MAP1B: variants seen among roughly 807,000 people sequenced by gnomAD.
The protein encoded by MAP1B is microtubule associated protein 1B, also known as microtubule-associated protein 1B.
In MAP1B, 12 loss-of-function variants were observed where a neutral mutation model predicts 176.1. The observed-to-expected ratio is 0.07, with a 90% confidence interval of 0.04 to 0.11. The LOEUF is 0.11. Among genes scored for constraint, MAP1B ranks in the 10% least tolerant of loss-of-function variants. MAP1B has a pLI of 1.00. For synonymous variants in MAP1B, 1,044 were observed against 1,135.0 expected, an observed-to-expected ratio of 0.92 and a Z score of 1.61; for missense variants, 2,523 against 2,990.5, an observed-to-expected ratio of 0.84 and a Z score of 3.65.
intron 2 of MAP1B, among the ~76,000 whole-genome samples, chr5:72,137,055 GCATGATTT>G (rs781584226): frequency 6.6e-6 from 1 of 152,154 alleles, no homozygotes; most frequent in Non-Finnish European, 1.5e-5. Context: ...TAGGTTATTA[GCATGATTT>G]GCATTTTTGT....
chr5:72,186,761 T>C lies in MAP1B; in HGVS notation c.510+7T>C. The C allele has an allele frequency of 1.2e-6, 2 of 1,613,948 alleles. No individual in the cohort carries two copies. The highest frequency in any genetic ancestry group is 2.2e-5 in the South Asian group (2 of 91,084). ...GATTTTCACCGATCAAGAGGTAGGT[T>C]CGTGTCTGAGAATATCTGTGCTTCT... On this transcript the variant is annotated splice_region_variant and intron_variant, in intron 4 of 6. Transcript: ENST00000296755. This position sits in a 1 kb window ranked among gnomAD's most constrained non-coding sequence, Gnocchi z 4.3.
At chr5:72,202,007 C>G (rs1204845700) in intron 5 of MAP1B, among the ~76,000 whole-genome samples, 1 of 152,196 alleles carries the variant, frequency 6.6e-6, no homozygotes, top group Non-Finnish European at 1.5e-5. Context: ...CATATACATC[C>G]TAGCCCACAC....
chr5:72,129,610 GT>G (rs1745692891), intron 2 of MAP1B, among the ~76,000 whole-genome samples: 1 of 151,714 alleles, frequency 6.6e-6, no homozygotes, highest in Non-Finnish European at 1.5e-5. Flanking sequence ...CTTCCTATGG[GT>G]TTACCTCCTT....
At chr5:72,139,731 G>C (rs928040754) in intron 2 of MAP1B, among the ~76,000 whole-genome samples, 4 of 152,146 alleles carry the variant, frequency 2.6e-5, no homozygotes, top group Non-Finnish European at 5.9e-5. Context: ...AGGAAACCTC[G>C]TATATAGTTT....
chr5:72,151,933 C>T (rs1293236658), intron 2 of MAP1B, among the ~76,000 whole-genome samples: 1 of 152,190 alleles, frequency 6.6e-6, no homozygotes, highest in Admixed American at 6.5e-5. Context: ...AGAGATAGTA[C>T]AGAGAGTTCT....
At chr5:72,183,418 T>C (rs1219292619) in intron 2 of MAP1B, among the ~76,000 whole-genome samples, 8 of 152,144 alleles carry the variant, frequency 5.3e-5, no homozygotes, top group Admixed American at 1.3e-4. Flanking sequence ...AAGAGCCCCG[T>C]TGAGTTTTCC....
chr5:72,142,540 A>G (rs1745965229), intron 2 of MAP1B, among the ~76,000 whole-genome samples: 1 of 152,234 alleles, frequency 6.6e-6, no homozygotes, highest in Non-Finnish European at 1.5e-5. Context: ...AAACAAATGT[A>G]AAGTTAAACC....
At chr5:72,113,779 G>T (rs867241653) in intron 1 of MAP1B, among the ~76,000 whole-genome samples, 2 of 152,178 alleles carry the variant, frequency 1.3e-5, no homozygotes, top group African/African-American at 2.4e-5. Flanking sequence ...AAGCAGCTCA[G>T]ACAGGAACTC....
chr5:72,119,576 TGGCTCACTGCAACCTCAACCTCCTG>T (rs994180710), intron 2 of MAP1B, among the ~76,000 whole-genome samples: 1 of 152,162 alleles, frequency 6.6e-6, no homozygotes, highest in African/African-American at 2.4e-5. Flanking sequence ...GGTGCAATCT[TGGCTCACTGCAACCTCAACCTCCTG>T]GGCTCAAATG....
chr5:72,152,733 C>T (rs939965713), intron 2 of MAP1B, among the ~76,000 whole-genome samples: 16 of 152,134 alleles, frequency 1.1e-4, no homozygotes, highest in African/African-American at 3.9e-4. Context: ...CGTGCCTGGC[C>T]CCATGGTATT....
intron 4 of MAP1B, among the ~76,000 whole-genome samples, chr5:72,189,112 C>G (rs1416432934): frequency 2.0e-5 from 3 of 151,990 alleles, no homozygotes; most frequent in Non-Finnish European, 2.9e-5. Flanking sequence ...CAATTTGGGA[C>G]AAACAAAAAT....
rs1214027522 is a variant in MAP1B, at chr5:72,197,792, T to A, written c.4437T>A (p.Asp1479Glu). The A allele has an allele frequency of 1.2e-6, 2 of 1,614,224 alleles. No individual in the cohort carries two copies. The highest frequency in any genetic ancestry group is 1.7e-6 in the Non-Finnish European group (2 of 1,180,046). Residue 1479 changes from aspartate to glutamate, a missense_variant, in exon 5 of 7, where the codon GAT (aspartate) becomes GAA (glutamate). Asp to Glu is a conservative substitution (Grantham distance 45). Around this residue, in one of 4 missense-constraint regions of MAP1B, gnomAD observed 1,925 missense variants for 2,126.0 expected, o/e 0.91. Transcript: ENST00000296755. The part of the protein sequence containing the change: ...KEDFGQEKKT[D>E]DVEAMSSQPA... ...ACTTTGGCCAAGAAAAGAAAACTGA[T>A]GATGTTGAAGCCATGAGTTCTCAAC...
At position 72,205,508 on chromosome 5, in the gene MAP1B, C is replaced by G. The variant is rs1029937903; in HGVS notation, c.*269C>G. On this transcript the variant is annotated 3_prime_UTR_variant, in exon 7 of 7. Transcript: ENST00000296755. ...CTCTGCTGAACATTTGGAAACCATG[C>G]ACTAGCCAACCCAACTGACTTCTGC... 1 of 367,006 alleles carries G rather than the reference C, an allele frequency of 2.7e-6. No individual in the cohort carries two copies. The highest frequency in any genetic ancestry group is 5.4e-5 in the East Asian group (1 of 18,512). The allele number at this position is 367,006 out of a possible 1,614,324, so 22.7% of individuals were successfully genotyped here. A position where few individuals can be genotyped will look rare whatever the true frequency, so the allele number is the denominator to read the frequency against.
Position 72,186,528 on chromosome 5 carries a change from C to T in MAP1B, c.370-86C>T. 12 of 1,507,914 alleles carry T rather than the reference C, an allele frequency of 8.0e-6. No homozygotes were observed. In the South Asian group the frequency reaches 1.5e-4, roughly 18 times the overall value. 93.4% of individuals were successfully genotyped at this position (1,507,914 alleles called of 1,614,324 possible). A position where few individuals can be genotyped will look rare whatever the true frequency, so the allele number is the denominator to read the frequency against. ...ATGCTTTTTGCTGGTAATAAACTCC[C>T]ATGGCTCCGAAGGCTAGCCCTGTCC... On this transcript the variant is annotated intron_variant, in intron 3 of 6. Coordinates refer to ENST00000296755, the MANE Select transcript of MAP1B (RefSeq NM_005909.5). The surrounding 1 kb of genome is among the most constrained non-coding windows in gnomAD (Gnocchi z 4.3).
chr5:72,175,033 TC>T (rs1746624009), intron 2 of MAP1B, among the ~76,000 whole-genome samples: 1 of 76,006 alleles, frequency 1.3e-5, no homozygotes, highest in Non-Finnish European at 2.5e-5. Context: ...CCTCCCTCCC[TC>T]CCTTCCCTCC....
In MAP1B at chr5:72,199,319, C is replaced by T. The variant is rs142541136; in HGVS notation, c.5964C>T (p.Ser1988=). The T allele has an allele frequency of 3.6e-5, 58 of 1,614,044 alleles. No homozygotes were observed. The highest frequency in any genetic ancestry group is 4.8e-5 in the Non-Finnish European group (57 of 1,180,046). Residue 1988 remains serine (S), a synonymous_variant, in exon 5 of 7, where the codon AGC becomes AGT. Transcript: ENST00000296755. The surrounding 1 kb of genome is among the most constrained non-coding windows in gnomAD (Gnocchi z 4.2). ...ERSRRLLDDI[S]NGYDDSEDGG... ...CTAGAAGGCTTCTGGATGACATCAGCAATGGCTATGATGACTCTGAGGATG... is the reference window on the plus strand; with the variant it reads ...CTAGAAGGCTTCTGGATGACATCAGTAATGGCTATGATGACTCTGAGGATG...
In MAP1B at chr5:72,194,284, C is replaced by T; in HGVS notation, c.929C>T (p.Thr310Ile). 6.2e-7 allele frequency: 1 copy of T among 1,614,206 alleles called. No homozygotes were observed. Among genetic ancestry groups the T allele is most frequent in the Non-Finnish European group, 8.5e-7 (1 of 1,180,048 alleles). Residue 310 changes from threonine to isoleucine, a missense_variant, in exon 5 of 7, where the codon ACC becomes ATC. By Grantham distance (89) the Thr-to-Ile change is moderately conservative (BLOSUM62 -1). Transcript: ENST00000296755. This position sits in a 1 kb window ranked among gnomAD's most constrained non-coding sequence, Gnocchi z 7.2. ...HLDRVDSILL[T>I]HIGDDNLPGI... ...GACCGAGTGGACTCCATCCTGCTCA[C>T]CCACATTGGGGATGACAATTTGCCT...
chr5:72,164,126 T>A (rs538836420), intron 2 of MAP1B, among the ~76,000 whole-genome samples: 1 of 151,938 alleles, frequency 6.6e-6, no homozygotes, highest in South Asian at 2.1e-4. Context: ...AGGCAGAGTC[T>A]TGTTATGTTG....
intron 2 of MAP1B, among the ~76,000 whole-genome samples, chr5:72,152,428 GA>G (rs1296623231): frequency 6.6e-6 from 1 of 152,096 alleles, no homozygotes; most frequent in East Asian, 1.9e-4. Flanking sequence ...AAAGCATTTG[GA>G]AAATCCCATG....
Sources: gnomAD v4.1 joint callset for allele counts (sites outside exome capture counted in the v4.1 genomes callset) on GRCh38, gnomAD v4.1.1 for gene constraint, gnomAD v4.1.1 regional missense constraint, Gnocchi (gnomAD v3.1) non-coding constraint, MANE v1.5 for transcripts, NCBI Gene and HGNC (gene_info 2026-07-23, HGNC 2026-07-21) for gene names.